Variants in CYB5R4 observed in about 807,000 individuals in gnomAD.
CYB5R4 encodes cytochrome b5 reductase 4.
In CYB5R4, 55 loss-of-function variants were observed where a neutral mutation model predicts 70.2. The observed-to-expected ratio is 0.78, with a 90% CI of 0.63 to 0.98. The LOEUF (loss-of-function observed/expected upper bound fraction) is 0.98, where lower values mean the gene tolerates loss of function less well. Ranked by LOEUF, CYB5R4 falls within the 50% of genes least tolerant of loss-of-function variation. The pLI is 0.00. For missense variants in CYB5R4, 562 were observed against 612.6 expected, an observed-to-expected ratio of 0.92 and a Z score of 0.87; for synonymous variants, 197 against 199.5, an observed-to-expected ratio of 0.99 and a Z score of 0.11.
chr6:83,950,954 A>G (rs1400706062), intron 14 of CYB5R4, among the ~76,000 whole-genome samples: 1 of 152,102 alleles, frequency 6.6e-6, no homozygotes, highest in Non-Finnish European at 1.5e-5. Context: ...TTTCAACCTT[A>G]AGCAACTCTG....
At chr6:83,940,892 T>C (rs2099469656) in intron 14 of CYB5R4, among the ~76,000 whole-genome samples, 1 of 152,182 alleles carries the variant, frequency 6.6e-6, no homozygotes, top group African/African-American at 2.4e-5. Context: ...TGTTCCAATG[T>C]AGCCAGTTTG....
At chr6:83,860,960 G>C (rs187031015) in intron 1 of CYB5R4, among the ~76,000 whole-genome samples, 30 of 152,310 alleles carry the variant, frequency 2.0e-4, no homozygotes, top group African/African-American at 7.2e-4. Context: ...AAATTGCGTA[G>C]GCTTGTGTTG....
chr6:83,904,508 A>G (rs1335857264), intron 3 of CYB5R4, among the ~76,000 whole-genome samples: 1 of 152,208 alleles, frequency 6.6e-6, no homozygotes, highest in Non-Finnish European at 1.5e-5. Flanking sequence ...GTATTCTGCA[A>G]TCGTTGGATA....
At chr6:83,877,284 G>A (rs2099458721) in intron 2 of CYB5R4, among the ~76,000 whole-genome samples, 1 of 152,014 alleles carries the variant, frequency 6.6e-6, no homozygotes, top group Non-Finnish European at 1.5e-5. Flanking sequence ...GTTTAAATAT[G>A]TCACCCTATC....
In CYB5R4 at chr6:83,909,123, G is replaced by T. The variant is rs748625319; in HGVS notation, c.412+33G>T. On this transcript the variant is annotated intron_variant, in intron 4 of 15. Coordinates refer to ENST00000369681, the MANE Select transcript of CYB5R4 (RefSeq NM_016230.4). ...GTGCTGGTGCTAAACCAGCATGGAT[G>T]TGTGGTGCACATGTATTTTTTTTTA... 3.9e-6 allele frequency: 6 copies of T among 1,557,988 alleles called. No individual in the cohort carries two copies. The African/African-American group carries it at 6.8e-5, about 18-fold the overall frequency.
At position 83,963,205 on chromosome 6, in the gene CYB5R4, A is replaced by G. The variant is rs2099473593; in HGVS notation, c.*3327A>G. The G allele has an allele frequency of 1.3e-5, 2 of 152,190 alleles. No individual in the cohort carries two copies. The highest frequency in any genetic ancestry group is 4.1e-4 in the South Asian group (2 of 4,834). The allele number at this position is 152,190 out of a possible 1,614,324, so 9.4% of individuals were successfully genotyped here. A position where few individuals can be genotyped will look rare whatever the true frequency, so the allele number is the denominator to read the frequency against. ...CACAGGCTATAGAAAGAACAGAGAA[A>G]TTTGTCCAAGATAAGATGATTAGGT... On this transcript the variant is annotated 3_prime_UTR_variant, in exon 16 of 16. Transcript: ENST00000369681.
At chr6:83,920,962 C>A in intron 7 of CYB5R4, 120 bp from the exon 8 acceptor site, 1 of 676,104 alleles carries the variant, frequency 1.5e-6, no homozygotes, top group Non-Finnish European at 2.2e-6. Context: ...ATTTGTTTAG[C>A]TTGGAGGTTC....
chr6:83,954,325 C>T (rs1337517432), intron 14 of CYB5R4, among the ~76,000 whole-genome samples: 1 of 152,136 alleles, frequency 6.6e-6, no homozygotes, highest in Non-Finnish European at 1.5e-5. Flanking sequence ...CCTTAAATTG[C>T]AGCCAGAGAT....
Position 83,962,344 on chromosome 6 carries a change from T to C in CYB5R4, c.*2466T>C, listed in dbSNP as rs1004183425. 1.3e-5 allele frequency: 2 copies of C among 152,202 alleles called. No homozygotes were observed. Among genetic ancestry groups the C allele is most frequent in the East Asian group, 3.9e-4 (2 of 5,186 alleles). The allele number at this position is 152,202 out of a possible 1,614,324, so 9.4% of individuals were successfully genotyped here. ...CCTAAGTAGAGCCTCAGTCTTCCAA[T>C]GAATGCAACCAAATACTGAGGAGCA... On this transcript the variant is annotated 3_prime_UTR_variant, in exon 16 of 16. Transcript: ENST00000369681.
chr6:83,902,443 T>C (rs1415418655), intron 3 of CYB5R4, among the ~76,000 whole-genome samples: 1 of 152,202 alleles, frequency 6.6e-6, no homozygotes, highest in Admixed American at 6.5e-5. Context: ...TATTTTGAAA[T>C]CAGGTAGTAT....
chr6:83,909,934 A>C, intron 4 of CYB5R4: 1 of 1,262,698 alleles, frequency 7.9e-7, no homozygotes, highest in South Asian at 1.3e-5. Context: ...TTTCTGGCCT[A>C]AAATGTTAAT....
Position 83,955,425 on chromosome 6 carries a change from A to G in CYB5R4, c.1474A>G (p.Ile492Val), listed in dbSNP as rs763488509. ...GGACAAATCCAAAGTTCTCGTCTGC[A>G]TTTGTGGACCAGTGCCATTTACAGA... ...NLDKSKVLVC[I>V]CGPVPFTEQG... The change falls in exon 15 of 16, where the codon ATT becomes GTT. Residue 492 changes from isoleucine (I) to valine (V), a missense_variant. By Grantham distance (29) the Ile-to-Val change is conservative (BLOSUM62 3). Transcript: ENST00000369681. The G allele has an allele frequency of 6.8e-6, 11 of 1,613,924 alleles. 1 individual carries two copies. The South Asian group carries it at 8.8e-5, about 13-fold the overall frequency.
chr6:83,908,674 C>T (rs1032670169), intron 3 of CYB5R4, among the ~76,000 whole-genome samples: 4 of 152,044 alleles, frequency 2.6e-5, no homozygotes, highest in African/African-American at 9.7e-5. Flanking sequence ...CAGTTTTACC[C>T]ACCATTGCTT....
chr6:83,933,331 G>A (rs1450021335), intron 10 of CYB5R4, among the ~76,000 whole-genome samples: 2 of 152,312 alleles, frequency 1.3e-5, no homozygotes, highest in East Asian at 3.9e-4. Context: ...CATGATAGGT[G>A]GAAAATTGAG....
Position 83,893,725 on chromosome 6 carries a change from A to T in CYB5R4, c.330+103A>T, listed in dbSNP as rs1028207876. The T allele has an allele frequency of 1.4e-5, 9 of 624,710 alleles. No homozygotes were observed. In the Admixed American group the frequency reaches 2.7e-4, roughly 19 times the overall value. 38.7% of individuals were successfully genotyped at this position (624,710 alleles called of 1,614,324 possible). A position where few individuals can be genotyped will look rare whatever the true frequency, so the allele number is the denominator to read the frequency against. On this transcript the variant is annotated intron_variant, in intron 3 of 15. Transcript: ENST00000369681. ...AAGGAAATAGTTGCATAAATTCCAG[A>T]TGCATTGGCTTGAATTTTGAAGTGT...
rs888829495 is a variant in CYB5R4 at position 83,963,543 on chromosome 6, G to T, written c.*3665G>T. ...AATCTCAAGTAGTTACAGTCTCTTG[G>T]TGTCTTTCAACATTGGTTTTATTTT... On this transcript the variant is annotated 3_prime_UTR_variant, in exon 16 of 16. Coordinates refer to ENST00000369681, the MANE Select transcript of CYB5R4 (RefSeq NM_016230.4). The T allele has an allele frequency of 6.6e-6, 1 of 152,152 alleles. No individual in the cohort carries two copies. The highest frequency in any genetic ancestry group is 2.4e-5 in the African/African-American group (1 of 41,424). The allele number at this position is 152,152 out of a possible 1,614,324, so 9.4% of individuals were successfully genotyped here.
At position 83,965,216 on chromosome 6, in the gene CYB5R4, G is replaced by A. The variant is rs1588592187; in HGVS notation, c.*5338G>A. 6.6e-6 allele frequency: 1 copy of A among 152,328 alleles called. No individual in the cohort carries two copies. The highest frequency in any genetic ancestry group is 2.4e-5 in the African/African-American group (1 of 41,452). 9.4% of individuals were successfully genotyped at this position (152,328 alleles called of 1,614,324 possible). A position where few individuals can be genotyped will look rare whatever the true frequency, so the allele number is the denominator to read the frequency against. ...AGAATGGTAGATCGACTTACAGCTT[G>A]TACCAGGTGCCTGGAAAAGCTGCAG... On this transcript the variant is annotated 3_prime_UTR_variant, in exon 16 of 16. Coordinates refer to ENST00000369681, the MANE Select transcript of CYB5R4 (RefSeq NM_016230.4).
intron 10 of CYB5R4, among the ~76,000 whole-genome samples, chr6:83,928,897 A>G (rs1051172932): frequency 6.6e-6 from 1 of 152,194 alleles, no homozygotes; most frequent in Non-Finnish European, 1.5e-5. Flanking sequence ...TTAGAACGAC[A>G]TCATTCAGAT....
At chr6:83,879,635 T>A (rs983615243) in intron 2 of CYB5R4, among the ~76,000 whole-genome samples, 10 of 152,168 alleles carry the variant, frequency 6.6e-5, no homozygotes, top group African/African-American at 2.4e-4. Context: ...GACTTTTCTT[T>A]GTACTCTTGC....
Sources: gnomAD v4.1 joint callset for allele counts (sites outside exome capture counted in the v4.1 genomes callset) on GRCh38, gnomAD v4.1.1 for gene constraint, MANE v1.5 for transcripts, NCBI Gene and HGNC (gene_info 2026-07-23, HGNC 2026-07-21) for gene names.